ADAMTS17: variants seen among roughly 807,000 people sequenced by gnomAD.
The protein encoded by ADAMTS17 is ADAM metallopeptidase with thrombospondin type 1 motif 17.
ADAMTS17 carries 113 observed loss-of-function variants against 141.5 expected under a neutral mutation model. That is an observed-to-expected ratio of 0.80 (90% confidence interval 0.69 to 0.93). The LOEUF is 0.93. Ranked by LOEUF, ADAMTS17 falls within the 40% of genes least tolerant of loss-of-function variation. The probability of loss-of-function intolerance (pLI) is 0.00; values close to 1 mark genes in which losing one functional copy is unlikely to be tolerated. For synonymous variants in ADAMTS17, 768 were observed against 630.6 expected (o/e 1.22, Z -3.27); for missense variants, 1,659 against 1,517.9 (o/e 1.09, Z -1.54).
chr15:100,020,663 G>T lies in ADAMTS17; in HGVS notation c.2592-23074C>A, dbSNP rs373556387. Among the ~76,000 whole-genome samples the T allele has an allele frequency of 1.6e-4, 25 of 152,314 alleles. No homozygotes were observed. The East Asian group carries it at 2.9e-3, about 18-fold the overall frequency. On this transcript the variant is annotated intron_variant, in intron 18 of 21. Coordinates refer to ENST00000268070, the MANE Select transcript of ADAMTS17 (RefSeq NM_139057.4). ...TGCTAAGTTAGAAGCAGTGACCCTGGTAGTTATGGCTTATAAAGTCCATGT... is the reference window on the plus strand; with the variant it reads ...TGCTAAGTTAGAAGCAGTGACCCTGTTAGTTATGGCTTATAAAGTCCATGT...
chr15:99,994,960 A>C (rs2060770292), intron 19 of ADAMTS17, among the ~76,000 whole-genome samples: 1 of 152,264 alleles, frequency 6.6e-6, no homozygotes, highest in Admixed American at 6.5e-5. Flanking sequence ...CACATGCTTC[A>C]GAACTGGCTG....
chr15:100,325,730 C>T (rs1267818284), intron 3 of ADAMTS17, among the ~76,000 whole-genome samples: 1 of 152,166 alleles, frequency 6.6e-6, no homozygotes, highest in South Asian at 2.1e-4. Flanking sequence ...CTTCATCTTC[C>T]ACCAGAAACA....
At chr15:100,133,514 G>A (rs771438130) in intron 10 of ADAMTS17, among the ~76,000 whole-genome samples, 199 bp from the exon 11 acceptor site, 1 of 152,136 alleles carries the variant, frequency 6.6e-6, no homozygotes, top group Non-Finnish European at 1.5e-5. Flanking sequence ...AAAATTCTGT[G>A]CATCTACTCC....
At chr15:100,217,513 C>T (rs1225360081) in intron 7 of ADAMTS17, among the ~76,000 whole-genome samples, 1 of 152,052 alleles carries the variant, frequency 6.6e-6, no homozygotes, top group South Asian at 2.1e-4. Flanking sequence ...GCAGGAGAAT[C>T]GCTTGAATCC....
intron 3 of ADAMTS17, among the ~76,000 whole-genome samples, chr15:100,330,340 C>T (rs535438505): frequency 1.3e-5 from 2 of 152,160 alleles, no homozygotes; most frequent in African/African-American, 2.4e-5. Flanking sequence ...CTGGAGGACC[C>T]GTGAAACTAC....
chr15:100,339,031 G>C (rs1168758228), intron 2 of ADAMTS17: 1 of 985,500 alleles, frequency 1.0e-6, no homozygotes, highest in Non-Finnish European at 1.2e-6. Context: ...CAGCTCACAC[G>C]AACGGGATGA....
intron 14 of ADAMTS17, among the ~76,000 whole-genome samples, chr15:100,100,293 G>C (rs953502323): frequency 1.3e-5 from 2 of 152,124 alleles, no homozygotes; most frequent in Non-Finnish European, 2.9e-5. Context: ...AAAGTGGGTA[G>C]CTCCCCCGGG....
At position 100,252,238 on chromosome 15, in the gene ADAMTS17, A is replaced by G. The variant is rs543360327; in HGVS notation, c.1075+1898T>C. Among the ~76,000 whole-genome samples the G allele has an allele frequency of 3.9e-5, 6 of 152,310 alleles. No individual in the cohort carries two copies. In the South Asian group the frequency reaches 1.2e-3, roughly 32 times the overall value. On this transcript the variant is annotated intron_variant, in intron 7 of 21. Transcript: ENST00000268070. ...CTATGGAAGAAAACCACACCACTGG[A>G]TACATTGTTTTAATGAACACTGGCA...
intron 10 of ADAMTS17, among the ~76,000 whole-genome samples, chr15:100,149,186 C>A (rs729477): frequency 6.6e-6 from 1 of 152,098 alleles, no homozygotes; most frequent in Non-Finnish European, 1.5e-5. Flanking sequence ...GCCTGGAGCC[C>A]TGAAGTGTGG....
chr15:100,075,695 C>A (rs1383551), intron 15 of ADAMTS17, among the ~76,000 whole-genome samples: 127,011 of 152,214 alleles, frequency 0.83, 55,046 homozygotes, highest in South Asian at 0.97. Context: ...TATCTTTTTT[C>A]TGATCTATTT....
chr15:100,287,920 T>C (rs1433555848), intron 3 of ADAMTS17, among the ~76,000 whole-genome samples: 1 of 152,196 alleles, frequency 6.6e-6, no homozygotes, highest in East Asian at 1.9e-4. Flanking sequence ...CTTAAGTAGA[T>C]AGCCATTGAC....
At chr15:100,223,765 C>T (rs1267392438) in intron 7 of ADAMTS17, among the ~76,000 whole-genome samples, 1 of 150,504 alleles carries the variant, frequency 6.6e-6, no homozygotes, top group Non-Finnish European at 1.5e-5. Flanking sequence ...TACACACACA[C>T]ATATATATAT....
In ADAMTS17 at chr15:100,341,350, C is replaced by A. The variant is rs1596562019; in HGVS notation, c.139G>T (p.Asp47Tyr). ...VVLPWRVRPD[D>Y]VHLPPLPAAP... is the part of the protein sequence containing the mutation. ...GCGGGCAGCGGCGGCAGGTGCACGTCGTCGGGGCGCACCCGCCACGGGAGC... is the reference window on the plus strand; with the variant it reads ...GCGGGCAGCGGCGGCAGGTGCACGTAGTCGGGGCGCACCCGCCACGGGAGC... Residue 47 changes from aspartate to tyrosine, a missense_variant, in exon 2 of 22, where the codon GAC (aspartate) becomes TAC (tyrosine). Physicochemically the swap from Asp to Tyr is radical, Grantham distance 160. Transcript: ENST00000268070. 1 of 1,018,726 alleles carries A rather than the reference C, an allele frequency of 9.8e-7. No individual in the cohort carries two copies. The highest frequency in any genetic ancestry group is 4.5e-5 in the South Asian group (1 of 22,470). The allele number at this position is 1,018,726 out of a possible 1,614,324, so 63.1% of individuals were successfully genotyped here.
chr15:100,239,494 G>C (rs548780158), intron 7 of ADAMTS17, among the ~76,000 whole-genome samples: 2 of 111,048 alleles, frequency 1.8e-5, no homozygotes, highest in Admixed American at 9.6e-5. Flanking sequence ...CCGCTCCCAG[G>C]CCTGTGAGAT....
chr15:100,289,229 C>T (rs1245275411), intron 3 of ADAMTS17, among the ~76,000 whole-genome samples: 1 of 152,148 alleles, frequency 6.6e-6, no homozygotes, highest in Non-Finnish European at 1.5e-5. Flanking sequence ...TGCACACAAA[C>T]TAGAAAACCT....
intron 15 of ADAMTS17, among the ~76,000 whole-genome samples, chr15:100,086,194 A>G (rs992436887): frequency 3.3e-5 from 5 of 152,292 alleles, no homozygotes; most frequent in Non-Finnish European, 4.4e-5. Flanking sequence ...AGAGGTTGCA[A>G]TCCTAGTCTC....
intron 20 of ADAMTS17, among the ~76,000 whole-genome samples, chr15:99,981,359 C>CCAGGTCAGGGT (rs2060479219): frequency 6.6e-6 from 1 of 152,184 alleles, no homozygotes. Context: ...TGAGGCAGGG[C>CCAGGTCAGGGT]CAGGTGTGAG....
intron 7 of ADAMTS17, among the ~76,000 whole-genome samples, chr15:100,234,496 C>T (rs2042592362): frequency 6.6e-6 from 1 of 152,188 alleles, no homozygotes; most frequent in South Asian, 2.1e-4. Context: ...GTCTCATTGG[C>T]CCCATCCATA....
In ADAMTS17 at chr15:100,034,700, A is replaced by T. The variant is rs917123716; in HGVS notation, c.2591+14157T>A. On this transcript the variant is annotated intron_variant, in intron 18 of 21. Coordinates refer to ENST00000268070, the MANE Select transcript of ADAMTS17 (RefSeq NM_139057.4). ...CTAAGTCCCTCTCGGAAAATGTCCC[A>T]AACAGAACTGGAGAAAGGGCCACTG... is the stretch of plus-strand genomic sequence containing the variant. 2.0e-5 allele frequency among the ~76,000 whole-genome samples: 3 copies of T among 152,304 alleles called. No individual in the cohort carries two copies. The South Asian group carries it at 6.2e-4, about 32-fold the overall frequency.
Sources: allele counts gnomAD v4.1 joint callset (sites outside exome capture counted in the v4.1 genomes callset), GRCh38; gene constraint gnomAD v4.1.1; transcripts MANE v1.5; gene names NCBI Gene and HGNC (gene_info 2026-07-23, HGNC 2026-07-21).